SENP7: variants seen among roughly 807,000 people sequenced by gnomAD.
The protein encoded by SENP7 is sentrin-specific protease 7.
SENP7 carries 64 observed loss-of-function variants against 141.2 expected under a neutral mutation model. That is an observed-to-expected ratio of 0.45 (90% confidence interval 0.37 to 0.56). The LOEUF (loss-of-function observed/expected upper bound fraction) is 0.56. SENP7 is among the 20% of genes least tolerant of loss of function. The pLI is 0.00. For missense variants in SENP7, 1,025 were observed against 1,212.2 expected, an observed-to-expected ratio of 0.85 and a Z score of 2.29; for synonymous variants, 382 against 426.4, an observed-to-expected ratio of 0.90 and a Z score of 1.28.
chr3:101,347,300 T>G (rs932005314), intron 13 of SENP7: 16 of 152,170 alleles, frequency 1.1e-4, no homozygotes, highest in African/African-American at 3.9e-4. Flanking sequence ...TTTTAAGAAC[T>G]TAAAATTTTC....
At chr3:101,452,787 T>C (rs1222417165) in intron 4 of SENP7, among the ~76,000 whole-genome samples, 1 of 152,194 alleles carries the variant, frequency 6.6e-6, no homozygotes, top group Non-Finnish European at 1.5e-5. Flanking sequence ...GGCAATATCA[T>C]TCAGGACATA....
chr3:101,509,386 A>C (rs897069619), intron 1 of SENP7, among the ~76,000 whole-genome samples: 1 of 152,084 alleles, frequency 6.6e-6, no homozygotes, highest in Non-Finnish European at 1.5e-5. Context: ...TAGCCTCCTA[A>C]TTGCCAAATC....
intron 12 of SENP7, among the ~76,000 whole-genome samples, chr3:101,349,776 C>G (rs2553419): frequency 6.6e-6 from 1 of 151,900 alleles, no homozygotes; most frequent in Admixed American, 6.6e-5. Flanking sequence ...AGTCTGCCCC[C>G]AATATATGGT....
chr3:101,384,447 G>C (rs1199567747), intron 6 of SENP7, among the ~76,000 whole-genome samples: 4 of 152,226 alleles, frequency 2.6e-5, no homozygotes, highest in Non-Finnish European at 5.9e-5. Context: ...CCTCTTTGGG[G>C]CTCTGCAGTT....
intron 3 of SENP7, among the ~76,000 whole-genome samples, chr3:101,467,389 C>G (rs2063799011): frequency 6.6e-6 from 1 of 152,250 alleles, no homozygotes; most frequent in Non-Finnish European, 1.5e-5. Flanking sequence ...TCAAGTGGGT[C>G]AATGACCCCA....
At chr3:101,503,939 C>A (rs2065488666) in intron 1 of SENP7, among the ~76,000 whole-genome samples, 1 of 150,578 alleles carries the variant, frequency 6.6e-6, no homozygotes, top group South Asian at 2.1e-4. Context: ...GAGCAAGACA[C>A]TGTCTCAAAT....
rs569020844 is a variant in SENP7, at chr3:101,437,558, A to C, written c.285-19768T>G. On this transcript the variant is annotated intron_variant, in intron 4 of 23. Coordinates refer to ENST00000394095, the MANE Select transcript of SENP7 (RefSeq NM_020654.5). ...TTAAATTTCTAAAAAAGAATAAAAA[A>C]TAAAATAGCTAGGCATGGTGGCATG... is the stretch of plus-strand genomic sequence containing the variant. Among the ~76,000 whole-genome samples, 14 of 152,288 alleles carry C rather than the reference A, an allele frequency of 9.2e-5. No homozygotes were observed. In the South Asian group the frequency reaches 2.9e-3, roughly 32 times the overall value.
At chr3:101,432,829 G>A (rs1398216431) in intron 4 of SENP7, among the ~76,000 whole-genome samples, 1 of 152,124 alleles carries the variant, frequency 6.6e-6, no homozygotes, top group East Asian at 1.9e-4. Context: ...AGATAGAGAA[G>A]ACTACAATAA....
At chr3:101,421,476 G>C (rs1248924584) in intron 4 of SENP7, among the ~76,000 whole-genome samples, 3 of 152,042 alleles carry the variant, frequency 2.0e-5, no homozygotes, top group Non-Finnish European at 2.9e-5. Context: ...CTAAATTATT[G>C]AGGAAATTAT....
chr3:101,393,109 A>T (rs2107551448), intron 6 of SENP7, among the ~76,000 whole-genome samples: 1 of 152,342 alleles, frequency 6.6e-6, no homozygotes, highest in African/African-American at 2.4e-5. Context: ...TACCCTCTTC[A>T]ATAAATGTTG....
chr3:101,371,141 T>C (rs375430235), intron 7 of SENP7, among the ~76,000 whole-genome samples: 9 of 151,898 alleles, frequency 5.9e-5, no homozygotes, highest in African/African-American at 2.2e-4. Context: ...TACAAAAAAT[T>C]AGCCAGGCGT....
intron 6 of SENP7, among the ~76,000 whole-genome samples, chr3:101,392,798 G>A (rs541131533): frequency 6.6e-6 from 1 of 152,166 alleles, no homozygotes; most frequent in African/African-American, 2.4e-5. Flanking sequence ...ATATTACAAA[G>A]CTATAGTAAC....
chr3:101,398,241 C>T (rs2061027692), intron 6 of SENP7, among the ~76,000 whole-genome samples: 1 of 152,150 alleles, frequency 6.6e-6, no homozygotes, highest in Non-Finnish European at 1.5e-5. Context: ...AGGCAGATCA[C>T]AAGGTCAGGA....
At chr3:101,393,294 T>C (rs987991231) in intron 6 of SENP7, among the ~76,000 whole-genome samples, 1 of 152,126 alleles carries the variant, frequency 6.6e-6, no homozygotes, top group African/African-American at 2.4e-5. Context: ...TTTTTTAGAT[T>C]TCACCCAAAA....
chr3:101,378,261 T>C (rs569237254), intron 6 of SENP7, among the ~76,000 whole-genome samples: 109 of 152,124 alleles, frequency 7.2e-4, no homozygotes, highest in African/African-American at 2.3e-3. Flanking sequence ...GTCAGAGATG[T>C]TGAATTATCA....
At chr3:101,486,762 C>T (rs1301015721) in intron 3 of SENP7, among the ~76,000 whole-genome samples, 1 of 152,134 alleles carries the variant, frequency 6.6e-6, no homozygotes, top group African/African-American at 2.4e-5. Flanking sequence ...GCAATGGTAC[C>T]TCACATTTCA....
chr3:101,402,575 C>A (rs2061178452), intron 5 of SENP7, among the ~76,000 whole-genome samples: 1 of 141,072 alleles, frequency 7.1e-6, no homozygotes, highest in Non-Finnish European at 1.5e-5. Flanking sequence ...TGAGATCATG[C>A]CACTGCATTA....
At chr3:101,429,937 G>A (rs944814750) in intron 4 of SENP7, among the ~76,000 whole-genome samples, 1 of 152,110 alleles carries the variant, frequency 6.6e-6, no homozygotes, top group Non-Finnish European at 1.5e-5. Flanking sequence ...TGCATCTATT[G>A]AGATAATCAT....
At chr3:101,510,579 A>G (rs2317705) in intron 1 of SENP7, among the ~76,000 whole-genome samples, 60,327 of 151,942 alleles carry the variant, frequency 0.4, 12,501 homozygotes, top group Admixed American at 0.54. Context: ...ATGGCCGGGC[A>G]CGGTGGCTCA....
Sources: gnomAD v4.1 joint callset for allele counts (sites outside exome capture counted in the v4.1 genomes callset) on GRCh38, gnomAD v4.1.1 for gene constraint, MANE v1.5 for transcripts, NCBI Gene and HGNC (gene_info 2026-07-23, HGNC 2026-07-21) for gene names.